MCMDC2: variants seen among roughly 807,000 people sequenced by gnomAD.
The protein encoded by MCMDC2 is minichromosome maintenance domain containing 2.
In MCMDC2, 54 loss-of-function variants were observed where a neutral mutation model predicts 75.8. The observed-to-expected ratio is 0.71, with a 90% CI of 0.57 to 0.89. The LOEUF is 0.89. MCMDC2 is among the 40% of genes least tolerant of loss of function. The pLI, the probability that MCMDC2 is intolerant of heterozygous loss-of-function variation, is 0.00. For missense variants in MCMDC2, 656 were observed against 780.4 expected (o/e 0.84, Z 1.90); for synonymous variants, 249 against 274.6 (o/e 0.91, Z 0.92).
At chr8:66,876,818 T>G (rs1173547835) in intron 4 of MCMDC2, among the ~76,000 whole-genome samples, 2 of 152,102 alleles carry the variant, frequency 1.3e-5, no homozygotes, top group African/African-American at 4.8e-5. Context: ...TGGAGTGCAG[T>G]GGCGCGACCT....
chr8:66,901,295 C>G lies in MCMDC2; in HGVS notation c.1716C>G (p.Ile572Met), dbSNP rs1042630247. The G allele has an allele frequency of 4.2e-5, 67 of 1,613,850 alleles. No individual in the cohort carries two copies. Among genetic ancestry groups the G allele is most frequent in the Non-Finnish European group, 5.4e-5 (64 of 1,179,906 alleles). Reference sequence around the variant, plus strand: ...GCTATTATCTAGCAAGTCGCAGAATCAGAACAGGCTCTGTATGTGGATCAA... The same window carrying G: ...GCTATTATCTAGCAAGTCGCAGAATGAGAACAGGCTCTGTATGTGGATCAA... ...THGYYLASRR[I>M]RTGSVCGSKL... Residue 572 changes from isoleucine (I) to methionine (M), a missense_variant, in exon 13 of 15, where the codon ATC (isoleucine) becomes ATG (methionine). Coordinates refer to ENST00000422365, the MANE Select transcript of MCMDC2 (RefSeq NM_173518.5).
chr8:66,908,203 G>A (rs1459387892), intron 14 of MCMDC2, among the ~76,000 whole-genome samples: 3 of 152,102 alleles, frequency 2.0e-5, no homozygotes, highest in Non-Finnish European at 4.4e-5. Flanking sequence ...ATGCTTTTAG[G>A]TTTTACATTT....
downstream of MCMDC2, chr8:66,922,414 C>A (rs958748296): frequency 1.9e-5 from 9 of 485,642 alleles, no homozygotes; most frequent in Admixed American, 1.7e-4. Flanking sequence ...GAATATTCAC[C>A]CTTAATTAAA....
In MCMDC2 at chr8:66,890,764, T is replaced by C. The variant is rs932072245; in HGVS notation, c.1074-101T>C. The C allele has an allele frequency of 4.3e-6, 4 of 940,204 alleles. No individual in the cohort carries two copies. The African/African-American group carries it at 6.8e-5, about 16-fold the overall frequency. The allele number at this position is 940,204 out of a possible 1,614,324, so 58.2% of individuals were successfully genotyped here. On this transcript the variant is annotated intron_variant, in intron 9 of 14. Transcript: ENST00000422365. ...TTTATCCCTAGCACAATAGCTGGTG[T>C]ATCACAGGTGCTCAGTAAACACAGA... is the stretch of plus-strand genomic sequence containing the variant.
intron 1 of MCMDC2, among the ~76,000 whole-genome samples, chr8:66,873,108 C>T (rs1811103393): frequency 6.6e-6 from 1 of 152,068 alleles, no homozygotes. Context: ...CATTTTATTT[C>T]TAGCACCTGT....
At chr8:66,925,133 T>C (rs1249138732), downstream of MCMDC2, among the ~76,000 whole-genome samples, 2 of 152,236 alleles carry the variant, frequency 1.3e-5, no homozygotes, top group African/African-American at 2.4e-5. Flanking sequence ...CGACGGTCCC[T>C]TGCAGGCACC....
intron 14 of MCMDC2, among the ~76,000 whole-genome samples, chr8:66,915,659 A>T (rs1813288369): frequency 6.6e-6 from 1 of 151,580 alleles, no homozygotes; most frequent in African/African-American, 2.4e-5. Flanking sequence ...CAATAGAGAG[A>T]TAAAAGAATC....
rs780599601 is a variant in MCMDC2, at chr8:66,874,454, T to C, written c.223T>C (p.Ser75Pro). The C allele has an allele frequency of 1.2e-6, 2 of 1,612,190 alleles. No individual in the cohort carries two copies. The highest frequency in any genetic ancestry group is 2.7e-5 in the African/African-American group (2 of 74,818). Residue 75 changes from serine (S) to proline (P), a missense_variant and splice_region_variant, in exon 3 of 15, where the codon TCA (serine) becomes CCA (proline). By Grantham distance (74) the Ser-to-Pro change is moderately conservative (BLOSUM62 -1). Coordinates refer to ENST00000422365, the MANE Select transcript of MCMDC2 (RefSeq NM_173518.5). Reference sequence around the variant, plus strand: ...TTTAAAAGCTGCTGAAGTCTTTCAATCAGTAAGTCAAAAAAAGAAATAATT... The same window carrying C: ...TTTAAAAGCTGCTGAAGTCTTTCAACCAGTAAGTCAAAAAAAGAAATAATT... ...QPLKAAEVFQ[S>P]VCFIAVKTLS...
chr8:66,878,585 A>G lies in MCMDC2; in HGVS notation c.493A>G (p.Ile165Val), dbSNP rs200037793. Reference protein sequence around the residue: ...ACPLSKGFQYIRVHVPGATES... With the variant: ...ACPLSKGFQYVRVHVPGATES... ...CTGTTTTCTTTCAGGATTTCAGTAT[A>G]TAAGAGTGCATGTGCCTGGTGCTAC... Residue 165 changes from isoleucine (I) to valine (V), a missense_variant, in exon 6 of 15, where the codon ATA becomes GTA. Physicochemically the swap from Ile to Val is conservative, Grantham distance 29. Transcript: ENST00000422365. 1.3e-6 allele frequency: 2 copies of G among 1,578,974 alleles called. No individual in the cohort carries two copies. The highest frequency in any genetic ancestry group is 1.4e-5 in the African/African-American group (1 of 73,588).
At chr8:66,902,068 C>A (rs1812691996) in intron 13 of MCMDC2, among the ~76,000 whole-genome samples, 1 of 151,496 alleles carries the variant, frequency 6.6e-6, no homozygotes, top group Non-Finnish European at 1.5e-5. Context: ...GTGGGTCACA[C>A]CTGTAATCCT....
chr8:66,879,586 C>CT (rs1811466571), intron 7 of MCMDC2, among the ~76,000 whole-genome samples: 1 of 152,032 alleles, frequency 6.6e-6, no homozygotes, highest in African/African-American at 2.4e-5. Context: ...GAATGGGACT[C>CT]TGTCTCAAAA....
chr8:66,880,699 T>C, intron 7 of MCMDC2, 150 bp from the exon 8 acceptor site: 2 of 696,176 alleles, frequency 2.9e-6, no homozygotes, highest in Middle Eastern at 5.0e-4. Flanking sequence ...ATTATTAGTG[T>C]CACTCTATAT....
chr8:66,871,722 G>A (rs1364589039), intron 1 of MCMDC2, among the ~76,000 whole-genome samples: 1 of 152,020 alleles, frequency 6.6e-6, no homozygotes, highest in South Asian at 2.1e-4. Context: ...ACCAGCCTGG[G>A]CAACACAGTA....
chr8:66,886,092 T>C (rs77285720), intron 9 of MCMDC2, among the ~76,000 whole-genome samples: 19,574 of 152,052 alleles, frequency 0.13, 2,403 homozygotes, highest in African/African-American at 0.32. Flanking sequence ...TTTGTGGACA[T>C]GTATTTTCAT....
At chr8:66,877,308 A>T in intron 4 of MCMDC2, 41 bp from the exon 5 acceptor site, 1 of 1,293,554 alleles carries the variant, frequency 7.7e-7, no homozygotes, top group Non-Finnish European at 1.1e-6. Flanking sequence ...GTCAAATTGG[A>T]TTTGCAATTT....
chr8:66,871,254 C>T (rs1811003543), intron 1 of MCMDC2, among the ~76,000 whole-genome samples: 1 of 152,164 alleles, frequency 6.6e-6, no homozygotes, highest in Non-Finnish European at 1.5e-5. Flanking sequence ...TTATGGCCCC[C>T]TCCTGCTTAC....
intron 9 of MCMDC2, among the ~76,000 whole-genome samples, chr8:66,889,530 T>C (rs1812000183): frequency 6.6e-6 from 1 of 152,132 alleles, no homozygotes; most frequent in Non-Finnish European, 1.5e-5. Flanking sequence ...ACACAGTGGC[T>C]CAAGCCTGTA....
intron 9 of MCMDC2, among the ~76,000 whole-genome samples, chr8:66,890,580 G>A (rs1189542347): frequency 1.3e-5 from 2 of 152,100 alleles, no homozygotes; most frequent in African/African-American, 4.8e-5. Flanking sequence ...GGGCTGGAGT[G>A]CACAATCTTT....
downstream of MCMDC2, among the ~76,000 whole-genome samples, chr8:66,923,271 T>C (rs1813618544): frequency 6.6e-6 from 1 of 152,118 alleles, no homozygotes; most frequent in Admixed American, 6.5e-5. Flanking sequence ...ACTGGACACA[T>C]TCCTGTAAAA....
Sources: gnomAD v4.1 joint callset for allele counts (sites outside exome capture counted in the v4.1 genomes callset) on GRCh38, gnomAD v4.1.1 for gene constraint, MANE v1.5 for transcripts, NCBI Gene and HGNC (gene_info 2026-07-23, HGNC 2026-07-21) for gene names.